The following ADCY2 variants were observed in gnomAD, a reference collection of about 807,000 sequenced individuals.
The protein encoded by ADCY2 is adenylate cyclase 2.
Under a neutral mutation model 125.2 loss-of-function variants are expected in ADCY2, and 31 were observed. The ratio of observed to expected loss-of-function variants is 0.25; its 90% CI spans 0.19 to 0.33. ADCY2 has a LOEUF of 0.33. Ranked by LOEUF, ADCY2 falls within the 10% of genes least tolerant of loss-of-function variation. The probability of loss-of-function intolerance (pLI) is 1.00; values close to 1 mark genes in which losing one functional copy is unlikely to be tolerated. For synonymous variants in ADCY2, 512 were observed against 548.4 expected, an observed-to-expected ratio of 0.93 and a Z score of 0.93; for missense variants, 904 against 1,418.2, an observed-to-expected ratio of 0.64 and a Z score of 5.82.
Position 7,396,338 on chromosome 5 carries a change from C to T in ADCY2, c.42C>T (p.Asp14=). ...EAMRRRRYLR[D]RSEEAAGGGD... is the part of the protein sequence containing the mutation. ...TGCGGCGCCGCCGCTACCTGCGGGA[C>T]CGCTCCGAGGAGGCGGCGGGCGGCG... The change falls in exon 1 of 25, where the codon GAC becomes GAT. Residue 14 remains aspartate, a synonymous_variant. Coordinates refer to ENST00000338316, the MANE Select transcript of ADCY2 (RefSeq NM_020546.3). The surrounding 1 kb of genome is among the most constrained non-coding windows in gnomAD (Gnocchi z 5.7). 1 of 1,529,310 alleles carries T rather than the reference C, an allele frequency of 6.5e-7. No individual in the cohort carries two copies. Among genetic ancestry groups the T allele is most frequent in the Non-Finnish European group, 8.8e-7 (1 of 1,139,280 alleles). The allele number at this position is 1,529,310 out of a possible 1,614,324, so 94.7% of individuals were successfully genotyped here. A position where few individuals can be genotyped will look rare whatever the true frequency, so the allele number is the denominator to read the frequency against.
At chr5:7,563,853 T>C (rs1169345248) in intron 3 of ADCY2, among the ~76,000 whole-genome samples, 4 of 152,220 alleles carry the variant, frequency 2.6e-5, no homozygotes, top group Admixed American at 2.0e-4. Flanking sequence ...TTACCCGTTG[T>C]TTATGTTCCA....
At chr5:7,441,892 T>G (rs1741028568) in intron 2 of ADCY2, among the ~76,000 whole-genome samples, 1 of 152,190 alleles carries the variant, frequency 6.6e-6, no homozygotes, top group Non-Finnish European at 1.5e-5. Context: ...GTCTGCAGCC[T>G]CAGCTCCTGC....
intron 1 of ADCY2, among the ~76,000 whole-genome samples, chr5:7,413,202 A>G (rs571811524): frequency 6.6e-6 from 1 of 152,252 alleles, no homozygotes; most frequent in African/African-American, 2.4e-5. Context: ...CAGTGGGTGG[A>G]ATGAACCTTG....
intron 3 of ADCY2, among the ~76,000 whole-genome samples, chr5:7,540,306 A>G (rs954236007): frequency 2.0e-5 from 3 of 152,070 alleles, no homozygotes; most frequent in African/African-American, 2.4e-5. Context: ...ACCAAAAAAA[A>G]AAAGAAAGAA....
chr5:7,680,974 A>T (rs1277440012), intron 4 of ADCY2, among the ~76,000 whole-genome samples: 1 of 152,252 alleles, frequency 6.6e-6, no homozygotes, highest in African/African-American at 2.4e-5. Flanking sequence ...CAACATAGGT[A>T]CAGAAATAGG....
chr5:7,780,490 A>T (rs556924912), intron 18 of ADCY2, among the ~76,000 whole-genome samples: 1 of 152,300 alleles, frequency 6.6e-6, no homozygotes, highest in South Asian at 2.1e-4. Context: ...GACCATGAGG[A>T]TATTGTGTGG....
chr5:7,776,926 C>A (rs1213898374), intron 18 of ADCY2, among the ~76,000 whole-genome samples: 2 of 152,076 alleles, frequency 1.3e-5, no homozygotes. Flanking sequence ...TGTTGGTTTC[C>A]CTGGTTTTGA....
At chr5:7,749,100 CT>C (rs1414068265) in intron 15 of ADCY2, among the ~76,000 whole-genome samples, 1 of 152,194 alleles carries the variant, frequency 6.6e-6, no homozygotes, top group African/African-American at 2.4e-5. Flanking sequence ...TGCCTTGTGA[CT>C]ACTCAGCACC....
rs192163456 is a variant in ADCY2 at position 7,446,742 on chromosome 5, T to C, written c.408+31972T>C. On this transcript the variant is annotated intron_variant, in intron 2 of 24. Transcript: ENST00000338316. ...ACACACAGTTGGATCCATACCCACG[T>C]GTGTGCACAGTATAGATACATAGTC... 5.3e-3 allele frequency among the ~76,000 whole-genome samples: 811 copies of C among 152,336 alleles called. 7 individuals carry two copies. Among genetic ancestry groups the C allele is most frequent in the African/African-American group, 0.018 (754 of 41,560 alleles).
chr5:7,619,008 T>C (rs1737858873), intron 3 of ADCY2, among the ~76,000 whole-genome samples: 2 of 152,226 alleles, frequency 1.3e-5, no homozygotes, highest in African/African-American at 4.8e-5. Context: ...TTAGTAAGCC[T>C]CTTGGAAGAT....
At chr5:7,772,878 A>C in intron 17 of ADCY2, 54 bp from the exon 18 acceptor site, 3 of 1,550,534 alleles carry the variant, frequency 1.9e-6, no homozygotes, top group Non-Finnish European at 2.7e-6. Flanking sequence ...TAATTGTTTC[A>C]GCATTTCTCA....
intron 18 of ADCY2, among the ~76,000 whole-genome samples, chr5:7,780,787 T>G (rs1479728211): frequency 6.7e-6 from 1 of 149,814 alleles, no homozygotes; most frequent in Non-Finnish European, 1.5e-5. Flanking sequence ...AAAATGTCCT[T>G]TTTTACTCCA....
At chr5:7,491,844 A>G (rs1332448039) in intron 2 of ADCY2, among the ~76,000 whole-genome samples, 2 of 152,246 alleles carry the variant, frequency 1.3e-5, no homozygotes, top group Non-Finnish European at 2.9e-5. Context: ...CAAAACAACC[A>G]AACAAGTTGT....
chr5:7,754,881 C>G (rs1010091422), intron 15 of ADCY2, among the ~76,000 whole-genome samples: 6 of 151,132 alleles, frequency 4.0e-5, no homozygotes, highest in African/African-American at 1.5e-4. Flanking sequence ...AAAGAAAAAA[C>G]AAAACAAAAC....
In ADCY2 at chr5:7,396,319, G is replaced by T; in HGVS notation, c.23G>T (p.Arg8Leu). Residue 8 changes from arginine to leucine, a missense_variant, in exon 1 of 25, where the codon CGC (arginine) becomes CTC (leucine). Arg to Leu is a moderately radical substitution (Grantham distance 102). Coordinates refer to ENST00000338316, the MANE Select transcript of ADCY2 (RefSeq NM_020546.3). The surrounding 1 kb of genome is among the most constrained non-coding windows in gnomAD (Gnocchi z 5.7). Reference sequence around the variant, plus strand: ...CCGATGTGGCAGGAGGCGATGCGGCGCCGCCGCTACCTGCGGGACCGCTCC... The same window carrying T: ...CCGATGTGGCAGGAGGCGATGCGGCTCCGCCGCTACCTGCGGGACCGCTCC... MWQEAMR[R>L]RRYLRDRSEE... 6.8e-7 allele frequency: 1 copy of T among 1,461,768 alleles called. No homozygotes were observed. Among genetic ancestry groups the T allele is most frequent in the East Asian group, 3.0e-5 (1 of 33,100 alleles). The allele number at this position is 1,461,768 out of a possible 1,614,324, so 90.5% of individuals were successfully genotyped here.
chr5:7,546,073 C>T (rs1430049665), intron 3 of ADCY2, among the ~76,000 whole-genome samples: 2 of 152,178 alleles, frequency 1.3e-5, no homozygotes, highest in African/African-American at 2.4e-5. Flanking sequence ...TAACTCCTTT[C>T]ACCTATTCCA....
intron 3 of ADCY2, among the ~76,000 whole-genome samples, chr5:7,525,799 T>C (rs1561074284): frequency 6.6e-6 from 1 of 152,190 alleles, no homozygotes; most frequent in Non-Finnish European, 1.5e-5. Flanking sequence ...AAAAAATACC[T>C]AGCTTCCATG....
intron 2 of ADCY2, among the ~76,000 whole-genome samples, chr5:7,504,450 C>T (rs1305798269): frequency 1.3e-5 from 2 of 152,106 alleles, no homozygotes; most frequent in African/African-American, 4.8e-5. Flanking sequence ...TAATGTTGGA[C>T]TCTGGAACAC....
intron 3 of ADCY2, among the ~76,000 whole-genome samples, chr5:7,613,316 A>G (rs1737636659): frequency 6.6e-6 from 1 of 152,180 alleles, no homozygotes; most frequent in South Asian, 2.1e-4. Flanking sequence ...GTGTCCTATC[A>G]CCGGAGCTTC....
Sources: gnomAD v4.1 joint callset for allele counts (sites outside exome capture counted in the v4.1 genomes callset) on GRCh38, gnomAD v4.1.1 for gene constraint, Gnocchi (gnomAD v3.1) non-coding constraint, MANE v1.5 for transcripts, NCBI Gene and HGNC (gene_info 2026-07-23, HGNC 2026-07-21) for gene names.